The following OSBPL10 variants were observed in gnomAD, a reference collection of about 807,000 sequenced individuals.
OSBPL10 encodes oxysterol binding protein like 10.
Under a neutral mutation model 81.7 loss-of-function variants are expected in OSBPL10, and 49 were observed. The ratio of observed to expected loss-of-function variants is 0.60; its 90% CI spans 0.48 to 0.76. The LOEUF is 0.76. Among genes scored for constraint, OSBPL10 ranks in the 30% least tolerant of loss-of-function variants. The pLI is 0.00. For missense variants in OSBPL10, 923 were observed against 987.8 expected, an observed-to-expected ratio of 0.93 and a Z score of 0.88; for synonymous variants, 419 against 383.6, an observed-to-expected ratio of 1.09 and a Z score of -1.08.
intron 1 of OSBPL10, among the ~76,000 whole-genome samples, chr3:31,882,453 C>T (rs1695609962): frequency 6.6e-6 from 1 of 152,172 alleles, no homozygotes; most frequent in Admixed American, 6.5e-5. Flanking sequence ...TGGGCCCCAC[C>T]CAAGCCCTGC....
chr3:31,924,961 A>T (rs916366554), intron 1 of OSBPL10, among the ~76,000 whole-genome samples: 1 of 152,146 alleles, frequency 6.6e-6, no homozygotes, highest in African/African-American at 2.4e-5. Context: ...ACAGAGCAAA[A>T]TCTCACTCAT....
chr3:31,854,410 T>A (rs941817623), intron 3 of OSBPL10, among the ~76,000 whole-genome samples: 7 of 152,200 alleles, frequency 4.6e-5, no homozygotes, highest in African/African-American at 1.4e-4. Context: ...AGTTCCTTTG[T>A]GGTTAGTCTC....
intron 4 of OSBPL10, among the ~76,000 whole-genome samples, chr3:31,762,425 C>T (rs181779601): frequency 6.6e-6 from 1 of 152,122 alleles, no homozygotes. Flanking sequence ...CAGTCACAGT[C>T]TCTAATCCTC....
intron 1 of OSBPL10, among the ~76,000 whole-genome samples, chr3:31,881,533 TA>T (rs531322617): frequency 2.0e-5 from 3 of 151,268 alleles, no homozygotes; most frequent in African/African-American, 4.9e-5. Context: ...TGCTACGATT[TA>T]AAAAAAAACA....
At position 32,010,605 on chromosome 3, in the gene OSBPL10, G is replaced by A. The variant is rs143706921; in HGVS notation, n.298+35886C>T. Among the ~76,000 whole-genome samples, 820 of 152,268 alleles carry A rather than the reference G, an allele frequency of 5.4e-3. 8 individuals carry two copies. The highest frequency in any genetic ancestry group is 0.019 in the African/African-American group (785 of 41,544). On this transcript the variant is annotated intron_variant and non_coding_transcript_variant, in intron 2 of 3. Transcript: ENST00000479173. ...GTCGGACAGTGGGTGCAGAACAGTGGGTGCAGCGCACTGAGCATGAGCCGA... is the reference window on the plus strand; with the variant it reads ...GTCGGACAGTGGGTGCAGAACAGTGAGTGCAGCGCACTGAGCATGAGCCGA...
At chr3:31,776,210 G>A (rs959320678) in intron 4 of OSBPL10, among the ~76,000 whole-genome samples, 3 of 151,970 alleles carry the variant, frequency 2.0e-5, no homozygotes, top group African/African-American at 4.8e-5. Flanking sequence ...ACAAGCACAC[G>A]AAAAAAATGC....
chr3:31,894,885 A>G (rs991142487), intron 1 of OSBPL10, among the ~76,000 whole-genome samples: 1 of 152,170 alleles, frequency 6.6e-6, no homozygotes, highest in African/African-American at 2.4e-5. Context: ...GATGTGATCA[A>G]TTGACTAAGT....
At chr3:31,868,857 A>G (rs1701247857) in intron 3 of OSBPL10, among the ~76,000 whole-genome samples, 1 of 151,970 alleles carries the variant, frequency 6.6e-6, no homozygotes, top group Non-Finnish European at 1.5e-5. Context: ...AATTTCTCCA[A>G]CTCCCGAATC....
chr3:31,831,632 T>C (rs1168585345), intron 3 of OSBPL10, among the ~76,000 whole-genome samples: 3 of 152,056 alleles, frequency 2.0e-5, no homozygotes, highest in Non-Finnish European at 2.9e-5. Flanking sequence ...TTTTAACACA[T>C]AGGAAAATAT....
At chr3:31,675,474 CAG>C (rs2125526270) in intron 8 of OSBPL10, among the ~76,000 whole-genome samples, 1 of 152,318 alleles carries the variant, frequency 6.6e-6, no homozygotes, top group African/African-American at 2.4e-5. Flanking sequence ...ATCTGTGATG[CAG>C]AGATAATGGT....
chr3:31,812,739 AAAG>A (rs1699722078), intron 4 of OSBPL10, among the ~76,000 whole-genome samples: 7 of 20,992 alleles, frequency 3.3e-4, no homozygotes, highest in East Asian at 2.5e-3. Context: ...AGAAAGAAAG[AAAG>A]AAAGAAAGAA....
chr3:31,918,564 A>G (rs906377361), intron 1 of OSBPL10, among the ~76,000 whole-genome samples: 1 of 152,162 alleles, frequency 6.6e-6, no homozygotes, highest in Non-Finnish European at 1.5e-5. Flanking sequence ...GGCGGTCATC[A>G]CTGGGACCAC....
chr3:31,974,393 A>G (rs562014677), intron 1 of OSBPL10, among the ~76,000 whole-genome samples: 1 of 152,318 alleles, frequency 6.6e-6, no homozygotes, highest in South Asian at 2.1e-4. Flanking sequence ...TCCTAGGTGT[A>G]TATCCACAGA....
In OSBPL10 at chr3:31,841,520, G is replaced by A. The variant is rs184857468; in HGVS notation, c.538-11289C>T. Among the ~76,000 whole-genome samples, 306 of 152,288 alleles carry A rather than the reference G, an allele frequency of 2.0e-3. 1 individual carries two copies. The highest frequency in any genetic ancestry group is 7.1e-3 in the African/African-American group (293 of 41,552). Reference sequence around the variant, plus strand: ...TGGAGCCATTAGAAACAACCCAGGCGAGGCTTAGGCTATTTTAAATGAGAA... The same window carrying A: ...TGGAGCCATTAGAAACAACCCAGGCAAGGCTTAGGCTATTTTAAATGAGAA... On this transcript the variant is annotated intron_variant, in intron 3 of 11. Transcript: ENST00000396556.
chr3:31,898,171 TTTAG>T (rs1354786135), intron 1 of OSBPL10, among the ~76,000 whole-genome samples: 4 of 152,116 alleles, frequency 2.6e-5, no homozygotes, highest in Non-Finnish European at 2.9e-5. Flanking sequence ...GATACAAAGT[TTTAG>T]TTAGACAGGA....
At chr3:31,664,800 G>C (rs2125498505) in intron 10 of OSBPL10, among the ~76,000 whole-genome samples, 1 of 152,262 alleles carries the variant, frequency 6.6e-6, no homozygotes, top group African/African-American at 2.4e-5. Flanking sequence ...GTATTTGTGT[G>C]TGCATGCTTA....
intron 5 of OSBPL10, among the ~76,000 whole-genome samples, chr3:31,737,582 G>C (rs887223522): frequency 6.6e-6 from 1 of 152,116 alleles, no homozygotes; most frequent in Non-Finnish European, 1.5e-5. Context: ...TTAAAACTGA[G>C]AACAGGAAAT....
At chr3:31,701,738 T>G (rs1382208891) in intron 7 of OSBPL10, 1 of 152,192 alleles carries the variant, frequency 6.6e-6, no homozygotes, top group African/African-American at 2.4e-5. Context: ...ACCCTCTCCA[T>G]GACGTTAGTG....
Position 31,827,707 on chromosome 3 carries a change from A to G in OSBPL10, c.729+2333T>C, listed in dbSNP as rs557768338. Among the ~76,000 whole-genome samples the G allele has an allele frequency of 4.6e-5, 7 of 152,244 alleles. No homozygotes were observed. In the East Asian group the frequency reaches 1.2e-3, roughly 25 times the overall value. ...GTATCTACATCTGTAATACACAGGG[A>G]AAAAAACCCAAAAGCAAATTCACTG... is the stretch of plus-strand genomic sequence containing the variant. On this transcript the variant is annotated intron_variant, in intron 4 of 11. Transcript: ENST00000396556.
Sources: allele counts gnomAD v4.1 joint callset (sites outside exome capture counted in the v4.1 genomes callset), GRCh38; gene constraint gnomAD v4.1.1; transcripts MANE v1.5; gene names NCBI Gene and HGNC (gene_info 2026-07-23, HGNC 2026-07-21).